Variants in RNF212B observed in about 807,000 individuals in gnomAD.
The protein encoded by RNF212B is E3 ubiquitin-protein ligase RNF212B.
RNF212B carries 52 observed loss-of-function variants against 55.5 expected under a neutral mutation model. That is an observed-to-expected ratio of 0.94 (90% CI 0.75 to 1.18). The LOEUF is 1.18. RNF212B is among the 50% of genes most tolerant of loss of function. The pLI is 0.00. For missense variants in RNF212B, 289 were observed against 350.4 expected (o/e 0.82, Z 1.40); for synonymous variants, 99 against 121.4 (o/e 0.82, Z 1.21).
intron 2 of RNF212B, among the ~76,000 whole-genome samples, chr14:23,241,210 G>T (rs1291854304): frequency 6.6e-6 from 1 of 152,134 alleles, no homozygotes; most frequent in Non-Finnish European, 1.5e-5. Context: ...ATTTATTCTA[G>T]TTTAAGAGAA....
At chr14:23,250,296 TG>T (rs1884308361) in intron 4 of RNF212B, among the ~76,000 whole-genome samples, 1 of 151,928 alleles carries the variant, frequency 6.6e-6, no homozygotes, top group Non-Finnish European at 1.5e-5. Flanking sequence ...CTGGCCAATA[TG>T]GTAAAACCCT....
At chr14:23,187,215 T>C (rs1038077629) in intron 1 of RNF212B, among the ~76,000 whole-genome samples, 4 of 152,192 alleles carry the variant, frequency 2.6e-5, no homozygotes, top group Non-Finnish European at 1.5e-5. Flanking sequence ...CTTACAAATA[T>C]GGATTTAGAA....
chr14:23,207,859 G>T (rs1880000295), intron 2 of RNF212B, among the ~76,000 whole-genome samples: 1 of 152,160 alleles, frequency 6.6e-6, no homozygotes, highest in Non-Finnish European at 1.5e-5. Context: ...ATCAATATAT[G>T]TAAGAATAAC....
chr14:23,264,081 C>T, intron 9 of RNF212B, 93 bp from the exon 10 acceptor site: 1 of 987,764 alleles, frequency 1.0e-6, no homozygotes, highest in Non-Finnish European at 1.5e-6. Context: ...GAGTGAGACT[C>T]TGTCTGAAAA....
At chr14:23,240,660 C>T (rs1241865569) in intron 2 of RNF212B, among the ~76,000 whole-genome samples, 4 of 152,128 alleles carry the variant, frequency 2.6e-5, no homozygotes, top group Non-Finnish European at 5.9e-5. Flanking sequence ...AAATCTATTA[C>T]TTGAGGACTA....
intron 13 of RNF212B, among the ~76,000 whole-genome samples, chr14:23,270,326 A>G (rs1221206770): frequency 6.6e-6 from 1 of 152,232 alleles, no homozygotes; most frequent in Non-Finnish European, 1.5e-5. Flanking sequence ...TGGTACCACC[A>G]GTCCTCTTGC....
intron 11 of RNF212B, 66 bp from the exon 12 acceptor site, chr14:23,268,858 C>A: frequency 1.5e-6 from 2 of 1,358,900 alleles, no homozygotes; most frequent in Admixed American, 2.0e-5. Context: ...GCCCTGGCCC[C>A]AAGTATACCT....
At chr14:23,216,582 AT>A (rs1881097082) in intron 2 of RNF212B, among the ~76,000 whole-genome samples, 1 of 151,272 alleles carries the variant, frequency 6.6e-6, no homozygotes, top group African/African-American at 2.4e-5. Context: ...AAAAAAAAAA[AT>A]AATAAGGCCA....
At chr14:23,260,485 C>T (rs1885213498) in intron 6 of RNF212B, among the ~76,000 whole-genome samples, 174 bp from the exon 7 acceptor site, 1 of 152,162 alleles carries the variant, frequency 6.6e-6, no homozygotes, top group Non-Finnish European at 1.5e-5. Flanking sequence ...CTTTTATCCC[C>T]TCAAAGCTAA....
chr14:23,189,559 T>C (rs1877915667), intron 1 of RNF212B, among the ~76,000 whole-genome samples: 1 of 152,048 alleles, frequency 6.6e-6, no homozygotes, highest in Admixed American at 6.6e-5. Flanking sequence ...TCCCATCACT[T>C]TGGGAGGCCA....
intron 2 of RNF212B, among the ~76,000 whole-genome samples, chr14:23,212,982 A>G (rs1408015730): frequency 6.6e-6 from 1 of 152,142 alleles, no homozygotes; most frequent in Non-Finnish European, 1.5e-5. Context: ...TATTAGGGAT[A>G]AATCTGATAA....
intron 1 of RNF212B, chr14:23,188,430 T>C (rs566892699): frequency 6.6e-6 from 1 of 151,292 alleles, no homozygotes; most frequent in African/African-American, 2.4e-5. Flanking sequence ...CCTTCTTAAT[T>C]GGTTTTCATT....
At chr14:23,218,550 A>C (rs1297350448) in intron 2 of RNF212B, among the ~76,000 whole-genome samples, 2 of 152,000 alleles carry the variant, frequency 1.3e-5, no homozygotes, top group East Asian at 1.9e-4. Flanking sequence ...TTGAGGCTGC[A>C]GTGAGCCATG....
At chr14:23,188,195 C>T (rs1429039479) in intron 1 of RNF212B, 2 of 152,186 alleles carry the variant, frequency 1.3e-5, no homozygotes, top group Non-Finnish European at 2.9e-5. Flanking sequence ...ACACCAGAGA[C>T]AAAAATTCCA....
At position 23,240,209 on chromosome 14, in the gene RNF212B, T is replaced by C. The variant is rs541538270; in HGVS notation, c.-1-136T>C. ...TGTACATATACTTCTTTACAACCAA[T>C]TGGAATACCCACAATGATATGCCAC... On this transcript the variant is annotated intron_variant, in intron 1 of 14. Coordinates refer to ENST00000430154, the MANE Select transcript of RNF212B (RefSeq NM_001282322.3). The C allele has an allele frequency of 2.2e-4, 132 of 608,114 alleles. 1 individual carries two copies. Among genetic ancestry groups the C allele is most frequent in the Non-Finnish European group, 3.5e-4 (119 of 342,880 alleles). The allele number at this position is 608,114 out of a possible 1,614,324, so 37.7% of individuals were successfully genotyped here.
intron 4 of RNF212B, among the ~76,000 whole-genome samples, chr14:23,246,215 A>T (rs979474880): frequency 1.3e-5 from 2 of 151,286 alleles, no homozygotes; most frequent in Non-Finnish European, 3.0e-5. Flanking sequence ...GCTCACTGCA[A>T]CCTCTGCCTC....
At chr14:23,263,185 A>G (rs1885428633) in intron 9 of RNF212B, among the ~76,000 whole-genome samples, 1 of 152,190 alleles carries the variant, frequency 6.6e-6, no homozygotes, top group Admixed American at 6.5e-5. Flanking sequence ...AACAGTATAC[A>G]ACAACTCTCA....
chr14:23,231,491 T>C (rs1164895242), intron 2 of RNF212B, among the ~76,000 whole-genome samples: 1 of 152,230 alleles, frequency 6.6e-6, no homozygotes, highest in East Asian at 1.9e-4. Context: ...AAATGAATCA[T>C]ATACCTAAAT....
chr14:23,225,453 T>C (rs1286620266), intron 2 of RNF212B, among the ~76,000 whole-genome samples: 2 of 152,194 alleles, frequency 1.3e-5, no homozygotes, highest in Non-Finnish European at 2.9e-5. Flanking sequence ...GGTACTTATA[T>C]ACAGTAGAGT....
Sources: allele counts gnomAD v4.1 joint callset (sites outside exome capture counted in the v4.1 genomes callset), GRCh38; gene constraint gnomAD v4.1.1; transcripts MANE v1.5; gene names NCBI Gene and HGNC (gene_info 2026-07-23, HGNC 2026-07-21).